Variants in SLC10A7 observed in about 807,000 individuals in gnomAD.
SLC10A7 encodes sodium/bile acid cotransporter 7.
In SLC10A7, 29 loss-of-function variants were observed where a neutral mutation model predicts 43.2. The ratio of observed to expected loss-of-function variants is 0.67; its 90% CI spans 0.50 to 0.92. SLC10A7 has a LOEUF of 0.92. SLC10A7 is among the 40% of genes least tolerant of loss of function. The pLI is 0.00. For synonymous variants in SLC10A7, 152 were observed against 144.8 expected, an observed-to-expected ratio of 1.05 and a Z score of -0.35; for missense variants, 295 against 403.2, an observed-to-expected ratio of 0.73 and a Z score of 2.30.
At chr4:146,386,571 A>T (rs1738013230) in intron 5 of SLC10A7, among the ~76,000 whole-genome samples, 1 of 152,174 alleles carries the variant, frequency 6.6e-6, no homozygotes, top group Non-Finnish European at 1.5e-5. Flanking sequence ...TCTGTTGTTA[A>T]TGCCTACTGC....
At chr4:146,463,906 C>T (rs1732770352) in intron 4 of SLC10A7, among the ~76,000 whole-genome samples, 1 of 149,404 alleles carries the variant, frequency 6.7e-6, no homozygotes. Context: ...TCACTGCAGT[C>T]TCAATCTCCT....
At chr4:146,418,487 C>T (rs1423349131) in intron 5 of SLC10A7, among the ~76,000 whole-genome samples, 1 of 152,024 alleles carries the variant, frequency 6.6e-6, no homozygotes, top group African/African-American at 2.4e-5. Context: ...CTGTTTTAGC[C>T]TAAAAGCTAC....
chr4:146,345,826 A>T (rs1224402764), intron 5 of SLC10A7, among the ~76,000 whole-genome samples: 1 of 152,158 alleles, frequency 6.6e-6, no homozygotes, highest in Non-Finnish European at 1.5e-5. Flanking sequence ...TTGAATGAAT[A>T]AATACATGAA....
intron 5 of SLC10A7, among the ~76,000 whole-genome samples, chr4:146,401,921 G>A (rs998959982): frequency 6.6e-6 from 1 of 152,086 alleles, no homozygotes; most frequent in Non-Finnish European, 1.5e-5. Flanking sequence ...TTAAAACCCA[G>A]ATTAAAGATG....
intron 5 of SLC10A7, among the ~76,000 whole-genome samples, chr4:146,428,997 C>T (rs17021500): frequency 0.029 from 4,344 of 152,048 alleles, 207 homozygotes; most frequent in African/African-American, 0.1. Context: ...GGATAATCTG[C>T]CCTAATCTAC....
chr4:146,339,997 C>G (rs1228009402), intron 5 of SLC10A7, among the ~76,000 whole-genome samples: 4 of 151,246 alleles, frequency 2.6e-5, no homozygotes, highest in Non-Finnish European at 5.9e-5. Flanking sequence ...CCCGACAGGT[C>G]CCGGTGTGTG....
intron 5 of SLC10A7, among the ~76,000 whole-genome samples, chr4:146,376,693 G>A (rs1737226320): frequency 6.6e-6 from 1 of 152,016 alleles, no homozygotes. Context: ...AATAGCACTT[G>A]AACATAAATT....
intron 1 of SLC10A7, among the ~76,000 whole-genome samples, chr4:146,520,778 G>C (rs1164301612): frequency 6.6e-6 from 1 of 152,100 alleles, no homozygotes; most frequent in Non-Finnish European, 1.5e-5. Flanking sequence ...AAAGACAAGC[G>C]AATTGAATAA....
chr4:146,299,972 A>C (rs963482197), intron 7 of SLC10A7, among the ~76,000 whole-genome samples: 1 of 152,216 alleles, frequency 6.6e-6, no homozygotes, highest in African/African-American at 2.4e-5. Context: ...GAGCAGCTCC[A>C]TTGCACGCAT....
At chr4:146,319,995 CTGAT>C (rs767326223) in intron 6 of SLC10A7, among the ~76,000 whole-genome samples, 1 of 151,990 alleles carries the variant, frequency 6.6e-6, no homozygotes, top group Non-Finnish European at 1.5e-5. Flanking sequence ...TAAAATTTCT[CTGAT>C]TGCTTATTTC....
At chr4:146,383,746 C>T (rs1383842261) in intron 5 of SLC10A7, among the ~76,000 whole-genome samples, 1 of 152,116 alleles carries the variant, frequency 6.6e-6, no homozygotes, top group African/African-American at 2.4e-5. Flanking sequence ...GAAAGGCTAA[C>T]AACTATTAAA....
intron 1 of SLC10A7, 95 bp downstream of exon 1, chr4:146,521,523 A>T: frequency 3.9e-6 from 4 of 1,022,348 alleles, no homozygotes; most frequent in Non-Finnish European, 5.8e-6. Flanking sequence ...GAAATTGGCA[A>T]GCGCTTGCAA....
chr4:146,521,055 T>G (rs560475535), intron 1 of SLC10A7, among the ~76,000 whole-genome samples: 1 of 152,230 alleles, frequency 6.6e-6, no homozygotes, highest in Admixed American at 6.5e-5. Context: ...AAGTATGCTG[T>G]AATGAAGTGT....
chr4:146,402,735 G>T (rs777031776), intron 5 of SLC10A7, among the ~76,000 whole-genome samples: 6 of 152,128 alleles, frequency 3.9e-5, no homozygotes, highest in Admixed American at 2.0e-4. Context: ...ACTCCATTTC[G>T]CCTTGAAGAC....
chr4:146,504,989 A>C (rs1032595824), intron 3 of SLC10A7, among the ~76,000 whole-genome samples: 5 of 152,206 alleles, frequency 3.3e-5, no homozygotes, highest in African/African-American at 1.2e-4. Flanking sequence ...CATTTTTTTA[A>C]TTACTCAAAA....
chr4:146,321,100 C>G (rs1445440354), intron 6 of SLC10A7, among the ~76,000 whole-genome samples: 1 of 152,084 alleles, frequency 6.6e-6, no homozygotes, highest in East Asian at 1.9e-4. Flanking sequence ...TAAGACAATA[C>G]TATTTCCAGG....
intron 4 of SLC10A7, among the ~76,000 whole-genome samples, chr4:146,444,419 T>A (rs1730858582): frequency 6.6e-6 from 1 of 152,118 alleles, no homozygotes; most frequent in Non-Finnish European, 1.5e-5. Flanking sequence ...TGAGGAAACA[T>A]AGAATCATTC....
At chr4:146,493,701 T>C (rs1735652652) in intron 4 of SLC10A7, among the ~76,000 whole-genome samples, 1 of 152,226 alleles carries the variant, frequency 6.6e-6, no homozygotes, top group Non-Finnish European at 1.5e-5. Context: ...TGGCTCCCCA[T>C]GCCCTTTAAT....
At chr4:146,307,218 T>C (rs951240998) in intron 6 of SLC10A7, among the ~76,000 whole-genome samples, 1 of 151,592 alleles carries the variant, frequency 6.6e-6, no homozygotes, top group East Asian at 1.9e-4. Context: ...GCCAAGAATA[T>C]ATATCTGGCC....
Sources: gnomAD v4.1 joint callset for allele counts (sites outside exome capture counted in the v4.1 genomes callset) on GRCh38, gnomAD v4.1.1 for gene constraint, MANE v1.5 for transcripts, NCBI Gene and HGNC (gene_info 2026-07-23, HGNC 2026-07-21) for gene names.